KCNIP4: variants seen among roughly 807,000 people sequenced by gnomAD.
KCNIP4 encodes potassium voltage-gated channel interacting protein 4.
Under a neutral mutation model 34.0 loss-of-function variants are expected in KCNIP4, and 12 were observed. The ratio of observed to expected loss-of-function variants is 0.35; its 90% CI spans 0.23 to 0.57. KCNIP4 has a LOEUF of 0.57. KCNIP4 is among the 20% of genes least tolerant of loss of function. The pLI is 0.83. For missense variants in KCNIP4, 238 were observed against 311.7 expected, an observed-to-expected ratio of 0.76 and a Z score of 1.78; for synonymous variants, 124 against 102.2, an observed-to-expected ratio of 1.21 and a Z score of -1.29.
intron 1 of KCNIP4, among the ~76,000 whole-genome samples, chr4:20,892,211 TTGTG>T (rs1725991245): frequency 6.6e-6 from 1 of 152,208 alleles, no homozygotes; most frequent in Admixed American, 6.5e-5. Flanking sequence ...ATAAAATAGT[TTGTG>T]TATCAGTTTA....
At chr4:21,119,035 A>G (rs560657349) in intron 1 of KCNIP4, among the ~76,000 whole-genome samples, 8 of 152,318 alleles carry the variant, frequency 5.3e-5, no homozygotes, top group African/African-American at 1.9e-4. Flanking sequence ...CATCATATGC[A>G]ATGAACATTC....
At chr4:20,944,432 C>T (rs554072633) in intron 1 of KCNIP4, among the ~76,000 whole-genome samples, 114 of 152,280 alleles carry the variant, frequency 7.5e-4, no homozygotes, top group Admixed American at 2.0e-3. Context: ...GATTACACAC[C>T]CCTCCATGAC....
chr4:20,958,178 G>A (rs1199767969), intron 1 of KCNIP4, among the ~76,000 whole-genome samples: 1 of 152,202 alleles, frequency 6.6e-6, no homozygotes, highest in African/African-American at 2.4e-5. Context: ...AAGGACTCCT[G>A]TGAAATTCAC....
intron 1 of KCNIP4, among the ~76,000 whole-genome samples, chr4:21,413,003 T>G (rs1421196457): frequency 1.3e-5 from 2 of 152,170 alleles, no homozygotes; most frequent in African/African-American, 4.8e-5. Flanking sequence ...CACTGATATA[T>G]CTCCTTGCCC....
intron 2 of KCNIP4, among the ~76,000 whole-genome samples, chr4:20,864,030 ATATG>A (rs1342225069): frequency 9.1e-6 from 1 of 110,488 alleles, no homozygotes; most frequent in Non-Finnish European, 1.9e-5. Context: ...GTATACATAC[ATATG>A]TATGTATACG....
At chr4:21,454,321 A>G (rs1728748670) in intron 1 of KCNIP4, among the ~76,000 whole-genome samples, 1 of 152,152 alleles carries the variant, frequency 6.6e-6, no homozygotes, top group African/African-American at 2.4e-5. Flanking sequence ...CTAGTAAATC[A>G]GAAACTCTGG....
chr4:21,722,974 A>AAAAC (rs745922808), intron 1 of KCNIP4, among the ~76,000 whole-genome samples: 2 of 152,178 alleles, frequency 1.3e-5, no homozygotes, highest in Non-Finnish European at 2.9e-5. Context: ...TCTTCAGACA[A>AAAAC]AAACAAACAA....
At chr4:21,439,429 T>C (rs557294739) in intron 1 of KCNIP4, among the ~76,000 whole-genome samples, 1 of 152,328 alleles carries the variant, frequency 6.6e-6, no homozygotes, top group South Asian at 2.1e-4. Flanking sequence ...TATAATTCAC[T>C]GATAGTTTCA....
intron 1 of KCNIP4, among the ~76,000 whole-genome samples, chr4:21,863,765 T>C (rs772956903): frequency 2.0e-5 from 3 of 152,172 alleles, no homozygotes; most frequent in Non-Finnish European, 4.4e-5. Context: ...CCTGCAACTA[T>C]CCCCACAGAT....
chr4:21,400,629 T>C (rs1560369599), intron 1 of KCNIP4, among the ~76,000 whole-genome samples: 1 of 151,982 alleles, frequency 6.6e-6, no homozygotes, highest in East Asian at 1.9e-4. Context: ...ATTATGATGT[T>C]GTTTATCAAA....
intron 1 of KCNIP4, among the ~76,000 whole-genome samples, chr4:21,260,272 G>A (rs986751413): frequency 2.6e-5 from 4 of 152,110 alleles, no homozygotes; most frequent in Non-Finnish European, 5.9e-5. Context: ...ACGGGCAAAA[G>A]CCTTTATCCT....
intron 1 of KCNIP4, among the ~76,000 whole-genome samples, chr4:21,609,799 T>G (rs1268331176): frequency 6.6e-6 from 1 of 152,232 alleles, no homozygotes; most frequent in Non-Finnish European, 1.5e-5. Flanking sequence ...CACCCTACTA[T>G]GTGCTAAGAC....
intron 1 of KCNIP4, among the ~76,000 whole-genome samples, chr4:21,495,288 C>T (rs904618953): frequency 6.6e-6 from 1 of 152,272 alleles, no homozygotes; most frequent in Admixed American, 6.5e-5. Flanking sequence ...GACAAAACTC[C>T]ACAGTGCACC....
chr4:21,445,334 C>G (rs536898010), intron 1 of KCNIP4, among the ~76,000 whole-genome samples: 6 of 152,190 alleles, frequency 3.9e-5, no homozygotes, highest in East Asian at 1.9e-4. Context: ...TAAGCCAAAA[C>G]AACAAAGCTG....
At chr4:21,069,793 C>T (rs1272787743) in intron 1 of KCNIP4, among the ~76,000 whole-genome samples, 1 of 152,142 alleles carries the variant, frequency 6.6e-6, no homozygotes, top group Non-Finnish European at 1.5e-5. Context: ...CAAAGAAGTT[C>T]TAAGTACCCT....
intron 1 of KCNIP4, among the ~76,000 whole-genome samples, chr4:21,823,588 C>G (rs1409532191): frequency 6.6e-6 from 1 of 150,906 alleles, no homozygotes; most frequent in East Asian, 2.0e-4. Flanking sequence ...AGAAAAGATT[C>G]TTGCTCCCCA....
At chr4:21,239,005 T>C (rs1003073199) in intron 1 of KCNIP4, among the ~76,000 whole-genome samples, 1 of 152,104 alleles carries the variant, frequency 6.6e-6, no homozygotes, top group African/African-American at 2.4e-5. Flanking sequence ...CAAAACAGCA[T>C]GGTACTGGTA....
intron 1 of KCNIP4, among the ~76,000 whole-genome samples, chr4:21,591,142 G>T (rs778226645): frequency 1.3e-5 from 2 of 151,938 alleles, no homozygotes; most frequent in African/African-American, 2.4e-5. Context: ...TTTATTGAAG[G>T]ATTACTCAGA....
intron 3 of KCNIP4, among the ~76,000 whole-genome samples, chr4:20,766,038 GTGA>G (rs1193140181): frequency 1.3e-5 from 2 of 152,138 alleles, no homozygotes; most frequent in African/African-American, 4.8e-5. Flanking sequence ...AATTATTAAT[GTGA>G]TGATGACAAT....
Sources: allele counts gnomAD v4.1 joint callset (sites outside exome capture counted in the v4.1 genomes callset), GRCh38; gene constraint gnomAD v4.1.1; transcripts MANE v1.5; gene names NCBI Gene and HGNC (gene_info 2026-07-23, HGNC 2026-07-21).